CKAP2L: variants seen among roughly 807,000 people sequenced by gnomAD.
CKAP2L encodes the protein cytoskeleton-associated protein 2-like.
A neutral mutation model predicts 65.7 loss-of-function variants in CKAP2L; 42 were observed. That is an observed-to-expected ratio of 0.64 (90% confidence interval 0.50 to 0.83). The LOEUF (loss-of-function observed/expected upper bound fraction) is 0.83, where lower values mean the gene tolerates loss of function less well. Ranked by LOEUF, CKAP2L falls within the 40% of genes least tolerant of loss-of-function variation. CKAP2L has a pLI of 0.00. For synonymous variants in CKAP2L, 325 were observed against 313.5 expected (o/e 1.04, Z -0.39); for missense variants, 908 against 871.0 (o/e 1.04, Z -0.53).
Position 112,756,803 on chromosome 2 carries a change from C to T in CKAP2L, c.568G>A (p.Asp190Asn), listed in dbSNP as rs573603070. ...TTCCTCTCAGGTTCTGTTAAGATAT[C>T]GAGCAAGTTCTCTTTGTTTGTTTCT... ...LKETNKENLL[D>N]ILTEPERKPD... Residue 190 changes from aspartate to asparagine, a missense_variant, in exon 4 of 9, where the codon GAT becomes AAT. By Grantham distance (23) the Asp-to-Asn change is conservative. Coordinates refer to ENST00000302450, the MANE Select transcript of CKAP2L (RefSeq NM_152515.5). The T allele has an allele frequency of 5.6e-5, 89 of 1,602,468 alleles. No homozygotes were observed. The highest frequency in any genetic ancestry group is 1.8e-4 in the South Asian group (16 of 88,616).
intron 1 of CKAP2L, 60 bp from the exon 2 acceptor site, chr2:112,762,629 T>C: frequency 3.0e-6 from 4 of 1,346,912 alleles, no homozygotes; most frequent in Non-Finnish European, 4.3e-6. Flanking sequence ...AACCAGTTCA[T>C]TAATATTCTA....
At chr2:112,751,386 C>T (rs1234836207) in intron 5 of CKAP2L, among the ~76,000 whole-genome samples, 1 of 152,178 alleles carries the variant, frequency 6.6e-6, no homozygotes, top group Non-Finnish European at 1.5e-5. Context: ...GAATGAATGA[C>T]TGGCAATGGT....
intron 3 of CKAP2L, among the ~76,000 whole-genome samples, chr2:112,760,047 A>G (rs1255002392): frequency 6.6e-6 from 1 of 152,212 alleles, no homozygotes; most frequent in East Asian, 1.9e-4. Context: ...AACACAGATA[A>G]AAACTATGTT....
At chr2:112,744,716 A>T (rs1024683225) in intron 6 of CKAP2L, among the ~76,000 whole-genome samples, 2 of 152,186 alleles carry the variant, frequency 1.3e-5, no homozygotes, top group Non-Finnish European at 2.9e-5. Context: ...TTCTCCAGAT[A>T]ACTTGACCAG....
intron 5 of CKAP2L, 42 bp downstream of exon 5, chr2:112,752,225 G>C: frequency 7.0e-7 from 1 of 1,433,358 alleles, no homozygotes; most frequent in Non-Finnish European, 9.7e-7. Context: ...AAAATTATAA[G>C]ACTTTGGGCC....
chr2:112,748,456 A>AG (rs1387944920), intron 5 of CKAP2L, among the ~76,000 whole-genome samples: 2 of 14,594 alleles, frequency 1.4e-4, no homozygotes, highest in African/African-American at 3.6e-4. Context: ...TCCAGCATGA[A>AG]GGCAAATAAC....
At chr2:112,761,985 A>G (rs1049357768) in intron 2 of CKAP2L, among the ~76,000 whole-genome samples, 2 of 152,250 alleles carry the variant, frequency 1.3e-5, no homozygotes, top group African/African-American at 4.8e-5. Context: ...GAAAGGACAA[A>G]TAACACGACA....
At chr2:112,753,343 A>G (rs1323327888) in intron 4 of CKAP2L, among the ~76,000 whole-genome samples, 1 of 152,120 alleles carries the variant, frequency 6.6e-6, no homozygotes, top group African/African-American at 2.4e-5. Context: ...TTTGGTAAAT[A>G]GCACCCCAGG....
chr2:112,763,573 T>C (rs1285677793), intron 1 of CKAP2L: 1 of 151,908 alleles, frequency 6.6e-6, no homozygotes, highest in Non-Finnish European at 1.5e-5. Flanking sequence ...CTAAGGGCCA[T>C]AAGAGACGAA....
In CKAP2L at chr2:112,739,014, A is replaced by C; in HGVS notation, c.2047T>G (p.Phe683Val). ...NGMPEVQDMK[F>V]ITPVRRSSRI... ...GACGAACGCCGTACAGGAGTGATAA[A>C]TTTCATGTCTTGCACTTCCGGCATC... Residue 683 changes from phenylalanine to valine, a missense_variant, in exon 9 of 9, where the codon TTT (phenylalanine) becomes GTT (valine). Phe to Val is a conservative substitution (Grantham distance 50). Coordinates refer to ENST00000302450, the MANE Select transcript of CKAP2L (RefSeq NM_152515.5). 1 of 1,614,154 alleles carries C rather than the reference A, an allele frequency of 6.2e-7. No individual in the cohort carries two copies. Among genetic ancestry groups the C allele is most frequent in the Non-Finnish European group, 8.5e-7 (1 of 1,180,002 alleles).
Position 112,737,668 on chromosome 2 carries a change from C to G in CKAP2L, c.*1155G>C, listed in dbSNP as rs1679399883. The G allele has an allele frequency of 6.6e-6, 1 of 152,088 alleles. No individual in the cohort carries two copies. Among genetic ancestry groups the G allele is most frequent in the South Asian group, 2.1e-4 (1 of 4,828 alleles). The allele number at this position is 152,088 out of a possible 1,614,324, so 9.4% of individuals were successfully genotyped here. A position where few individuals can be genotyped will look rare whatever the true frequency, so the allele number is the denominator to read the frequency against. ...TTTTTGAGCTTTATTATAAATCTGA[C>G]TTTCAGAAATAGATCTGCTTCCCTT... On this transcript the variant is annotated 3_prime_UTR_variant, in exon 9 of 9. Transcript: ENST00000302450.
At chr2:112,759,344 G>A (rs960157286) in intron 3 of CKAP2L, among the ~76,000 whole-genome samples, 2 of 152,112 alleles carry the variant, frequency 1.3e-5, no homozygotes, top group African/African-American at 4.8e-5. Flanking sequence ...GTTAGTTATT[G>A]TTGTCATGTA....
chr2:112,752,215 A>C, intron 5 of CKAP2L, 52 bp downstream of exon 5: 4 of 1,354,694 alleles, frequency 3.0e-6, no homozygotes, highest in Non-Finnish European at 3.1e-6. Flanking sequence ...AATATGTTTA[A>C]AAATTATAAG....
chr2:112,754,540 TTTTG>T (rs1427970159), intron 4 of CKAP2L, among the ~76,000 whole-genome samples: 9 of 152,220 alleles, frequency 5.9e-5, no homozygotes, highest in Non-Finnish European at 1.0e-4. Context: ...GATGCCATAA[TTTTG>T]TTTCTCTAGT....
chr2:112,756,701 T>A lies in CKAP2L; in HGVS notation c.670A>T (p.Lys224Ter). 4 of 1,593,616 alleles carry A rather than the reference T, an allele frequency of 2.5e-6. No individual in the cohort carries two copies. The highest frequency in any genetic ancestry group is 3.4e-6 in the Non-Finnish European group (4 of 1,172,724). ...YNQTKNSLVP[K>*]QALGKSSVNS... ...ACTGAACTTTTGCCCAAGGCTTGTT[T>A]AGGAACTAAACTGTTCTTGGTTTGA... The change falls in exon 4 of 9, where the codon AAA becomes TAA. Residue 224 changes from lysine to a stop codon, truncating the protein, a stop_gained. Transcript: ENST00000302450. LOFTEE classifies it high-confidence loss of function.
chr2:112,764,589 G>T lies in CKAP2L; in HGVS notation c.10C>A (p.Pro4Thr), dbSNP rs143626181. Residue 4 changes from proline to threonine, a missense_variant, in exon 1 of 9, where the codon CCC becomes ACC. Physicochemically the swap from Pro to Thr is conservative, Grantham distance 38. Transcript: ENST00000302450. MVG[P>T]GPTAAAAVEE... ...ACAGCGGCAGCAGCGGTAGGCCCGGGCCCCACCATGACTCTTCAGTGACAG... is the reference window on the plus strand; with the variant it reads ...ACAGCGGCAGCAGCGGTAGGCCCGGTCCCCACCATGACTCTTCAGTGACAG... The T allele has an allele frequency of 1.2e-6, 2 of 1,614,056 alleles. No homozygotes were observed. The highest frequency in any genetic ancestry group is 2.7e-5 in the African/African-American group (2 of 74,938).
At chr2:112,742,639 A>G (rs553122925) in intron 7 of CKAP2L, 67 bp downstream of exon 7, 22 of 1,057,438 alleles carry the variant, frequency 2.1e-5, no homozygotes, top group South Asian at 8.1e-5. Context: ...TCTTTTTCCT[A>G]TATGTCCTGG....
rs778322279 is a variant in CKAP2L, at chr2:112,756,626, T to C, written c.745A>G (p.Thr249Ala). 1.2e-6 allele frequency: 2 copies of C among 1,611,636 alleles called. No individual in the cohort carries two copies. The highest frequency in any genetic ancestry group is 3.4e-5 in the Admixed American group (2 of 59,376). ...TTTACTGGGAAAGTCCTGCTTTGTG[T>C]TTCTCCAACAAATTGTTTATTAACC... Reference protein sequence around the residue: ...DRVNKQFVGETQSRTFPVKSQ... With the variant: ...DRVNKQFVGEAQSRTFPVKSQ... Residue 249 changes from threonine (T) to alanine (A), a missense_variant, in exon 4 of 9, where the codon ACA (threonine) becomes GCA (alanine). Coordinates refer to ENST00000302450, the MANE Select transcript of CKAP2L (RefSeq NM_152515.5).
Position 112,738,047 on chromosome 2 carries a change from G to A in CKAP2L, c.*776C>T, listed in dbSNP as rs1679466915. On this transcript the variant is annotated 3_prime_UTR_variant, in exon 9 of 9. Transcript: ENST00000302450. ...AAAGCAACCTACAACAGTCTCTGGGGCTTGCACTGCCTTCTCAGGCCAGCT... is the reference window on the plus strand; with the variant it reads ...AAAGCAACCTACAACAGTCTCTGGGACTTGCACTGCCTTCTCAGGCCAGCT... The A allele has an allele frequency of 6.6e-6, 1 of 152,116 alleles. No individual in the cohort carries two copies. Among genetic ancestry groups the A allele is most frequent in the South Asian group, 2.1e-4 (1 of 4,832 alleles). 9.4% of individuals were successfully genotyped at this position (152,116 alleles called of 1,614,324 possible). A position where few individuals can be genotyped will look rare whatever the true frequency, so the allele number is the denominator to read the frequency against.
Sources: allele counts gnomAD v4.1 joint callset (sites outside exome capture counted in the v4.1 genomes callset), GRCh38; gene constraint gnomAD v4.1.1; transcripts MANE v1.5; gene names NCBI Gene and HGNC (gene_info 2026-07-23, HGNC 2026-07-21).